HBS1L: variants seen among roughly 807,000 people sequenced by gnomAD.
HBS1L encodes the protein HBS1-like protein.
In HBS1L, 55 loss-of-function variants were observed where a neutral mutation model predicts 88.9. The observed-to-expected ratio is 0.62, with a 90% CI of 0.50 to 0.77. The LOEUF (loss-of-function observed/expected upper bound fraction) is 0.77. HBS1L is among the 30% of genes least tolerant of loss of function. The probability of loss-of-function intolerance (pLI) is 0.00; values close to 1 mark genes in which losing one functional copy is unlikely to be tolerated. For synonymous variants in HBS1L, 267 were observed against 288.5 expected (o/e 0.93, Z 0.76); for missense variants, 741 against 829.3 (o/e 0.89, Z 1.31).
chr6:135,008,734 C>T (rs746952960), intron 4 of HBS1L, among the ~76,000 whole-genome samples: 2 of 151,942 alleles, frequency 1.3e-5, no homozygotes, highest in African/African-American at 4.8e-5. Flanking sequence ...CTTCTGCTTG[C>T]ATATCCCCAA....
At chr6:134,998,128 A>C (rs1335664712) in intron 5 of HBS1L, among the ~76,000 whole-genome samples, 1 of 152,218 alleles carries the variant, frequency 6.6e-6, no homozygotes, top group African/African-American at 2.4e-5. Flanking sequence ...TCTCTAAATG[A>C]CTACAGTTCA....
intron 17 of HBS1L, among the ~76,000 whole-genome samples, chr6:134,965,726 C>T (rs1201721256): frequency 1.3e-5 from 2 of 152,136 alleles, no homozygotes; most frequent in Non-Finnish European, 2.9e-5. Flanking sequence ...GGAGCAAGAA[C>T]ACAAATGGGC....
intron 5 of HBS1L, among the ~76,000 whole-genome samples, chr6:135,000,394 CTTT>C (rs1279660258): frequency 6.6e-6 from 1 of 151,430 alleles, no homozygotes; most frequent in African/African-American, 2.4e-5. Flanking sequence ...AATGACTAGT[CTTT>C]TTTTTCTCTA....
At chr6:135,011,290 G>A (rs1335450139) in intron 4 of HBS1L, among the ~76,000 whole-genome samples, 2 of 152,184 alleles carry the variant, frequency 1.3e-5, no homozygotes, top group Admixed American at 1.3e-4. Flanking sequence ...CAAGGTGGGA[G>A]GATCGCTTAA....
At chr6:135,013,695 A>C (rs572952851) in intron 4 of HBS1L, among the ~76,000 whole-genome samples, 1 of 152,348 alleles carries the variant, frequency 6.6e-6, no homozygotes, top group African/African-American at 2.4e-5. Flanking sequence ...CAATGGAGAT[A>C]GAGAAAGGAA....
At chr6:135,019,732 A>G (rs994620255) in intron 4 of HBS1L, among the ~76,000 whole-genome samples, 2 of 151,956 alleles carry the variant, frequency 1.3e-5, no homozygotes, top group African/African-American at 4.8e-5. Context: ...AGATCATTGT[A>G]TATCTCCAGA....
In HBS1L at chr6:134,965,298, A is replaced by G. The variant is rs779423709; in HGVS notation, c.2044-8T>C. 7.2e-6 allele frequency: 11 copies of G among 1,538,202 alleles called. No individual in the cohort carries two copies. Among genetic ancestry groups the G allele is most frequent in the Non-Finnish European group, 8.9e-7 (1 of 1,124,784 alleles). The stretch of plus-strand genomic sequence containing the variant: ...GACCCATCATTCTTTTATCTGTTAA[A>G]ACAAAAAAAAAAAAGACATTTGCTG... On this transcript the variant is annotated splice_polypyrimidine_tract_variant and splice_region_variant and intron_variant, in intron 17 of 17. Transcript: ENST00000367837.
At chr6:134,986,878 C>G in intron 9 of HBS1L, 68 bp from the exon 10 acceptor site, 1 of 676,222 alleles carries the variant, frequency 1.5e-6, no homozygotes, top group Non-Finnish European at 2.4e-6. Flanking sequence ...TAAATTTCTG[C>G]AATGAAATAT....
intron 4 of HBS1L, among the ~76,000 whole-genome samples, chr6:135,025,592 T>C (rs1317565512): frequency 6.6e-6 from 1 of 152,130 alleles, no homozygotes. Flanking sequence ...CCGAGCTCAG[T>C]CACCACACCC....
At chr6:134,993,657 A>T in intron 8 of HBS1L, 101 bp downstream of exon 8, 1 of 494,466 alleles carries the variant, frequency 2.0e-6, no homozygotes, top group Non-Finnish European at 3.6e-6. Context: ...TTTTAATTTT[A>T]AAATATTTTA....
Position 135,050,665 on chromosome 6 carries a change from G to T in HBS1L, c.44-18C>A. The T allele has an allele frequency of 6.7e-7, 1 of 1,482,990 alleles. No individual in the cohort carries two copies. The highest frequency in any genetic ancestry group is 1.4e-5 in the African/African-American group (1 of 71,658). 91.9% of individuals were successfully genotyped at this position (1,482,990 alleles called of 1,614,324 possible). ...TTCAAAATCTAAAATAAAGACAAAA[G>T]AGATAAATTCATTTACAAGTTCTTT... On this transcript the variant is annotated intron_variant, in intron 1 of 17. Transcript: ENST00000367837.
intron 4 of HBS1L, among the ~76,000 whole-genome samples, chr6:135,039,067 C>T (rs527369560): frequency 1.3e-5 from 2 of 152,246 alleles, no homozygotes; most frequent in South Asian, 2.1e-4. Context: ...AATCCAAGAA[C>T]TTTGGGAGGC....
chr6:135,054,706 C>A lies in HBS1L; in HGVS notation c.-15G>T. The A allele has an allele frequency of 6.2e-7, 1 of 1,614,162 alleles. No homozygotes were observed. Among genetic ancestry groups the A allele is most frequent in the South Asian group, 1.1e-5 (1 of 91,080 alleles). ...TGCCGGGCCATGACGGCGGAGAGGG[C>A]GTTTGCCACAGCCCCTTAACTCCTT... is the stretch of plus-strand genomic sequence containing the variant. On this transcript the variant is annotated 5_prime_UTR_variant, in exon 1 of 18. Transcript: ENST00000367837.
intron 8 of HBS1L, among the ~76,000 whole-genome samples, chr6:134,989,137 C>G (rs951732976): frequency 1.3e-5 from 2 of 152,158 alleles, no homozygotes; most frequent in Admixed American, 6.5e-5. Context: ...ATGCCACTTG[C>G]GTCATGTGGA....
At chr6:134,983,885 A>T (rs1296895961) in intron 12 of HBS1L, among the ~76,000 whole-genome samples, 2 of 152,180 alleles carry the variant, frequency 1.3e-5, no homozygotes, top group Non-Finnish European at 2.9e-5. Context: ...TCAGAGAAAT[A>T]GACAGGTTAA....
intron 4 of HBS1L, among the ~76,000 whole-genome samples, chr6:135,033,242 C>G (rs926426272): frequency 2.8e-4 from 43 of 152,114 alleles, no homozygotes; most frequent in African/African-American, 1.0e-3. Flanking sequence ...AAATTTACAG[C>G]TGAACTGGAA....
intron 15 of HBS1L, among the ~76,000 whole-genome samples, chr6:134,970,563 G>C (rs1774454519): frequency 6.6e-6 from 1 of 152,160 alleles, no homozygotes; most frequent in African/African-American, 2.4e-5. Flanking sequence ...GTTAACTGAT[G>C]GCCTTATATA....
At chr6:135,012,103 C>T (rs1198539640) in intron 4 of HBS1L, among the ~76,000 whole-genome samples, 1 of 151,960 alleles carries the variant, frequency 6.6e-6, no homozygotes, top group Non-Finnish European at 1.5e-5. Flanking sequence ...CACTAATGTG[C>T]AACAGTATAT....
intron 4 of HBS1L, among the ~76,000 whole-genome samples, chr6:135,018,431 A>C (rs1775982358): frequency 6.6e-6 from 1 of 152,044 alleles, no homozygotes; most frequent in African/African-American, 2.4e-5. Flanking sequence ...CACTGAGACC[A>C]GATTTCAATT....
Sources: gnomAD v4.1 joint callset for allele counts (sites outside exome capture counted in the v4.1 genomes callset) on GRCh38, gnomAD v4.1.1 for gene constraint, MANE v1.5 for transcripts, NCBI Gene and HGNC (gene_info 2026-07-23, HGNC 2026-07-21) for gene names.